Variants in KYAT3 observed in about 807,000 individuals in gnomAD.
The protein encoded by KYAT3 is kynurenine aminotransferase 3, also known as kynurenine--oxoglutarate transaminase 3.
KYAT3 carries 50 observed loss-of-function variants against 59.0 expected under a neutral mutation model. The observed-to-expected ratio is 0.85, with a 90% CI of 0.68 to 1.07. The LOEUF is 1.07. Ranked by LOEUF, KYAT3 falls within the 50% of genes least tolerant of loss-of-function variation. KYAT3 has a pLI of 0.00. For missense variants in KYAT3, 497 were observed against 533.3 expected (o/e 0.93, Z 0.67); for synonymous variants, 148 against 177.0 (o/e 0.84, Z 1.30).
rs373497698 is a variant in KYAT3 at position 88,962,114 on chromosome 1, T to C, written c.485A>G (p.Tyr162Cys). ...TCCAGCCATTCTCACCATGGGCTCA[T>C]AGCAGTCATAGAAAGGCACTATTAG... ...VILIVPFYDC[Y>C]EPMVRMAGAT... Residue 162 changes from tyrosine (Y) to cysteine (C), a missense_variant, in exon 6 of 14, where the codon TAT (tyrosine) becomes TGT (cysteine). By Grantham distance (194) the Tyr-to-Cys change is radical (BLOSUM62 -2). This residue lies in a region of KYAT3 where 469 missense variants were observed against 479.1 expected (regional missense o/e 0.98). Coordinates refer to ENST00000260508, the MANE Select transcript of KYAT3 (RefSeq NM_001008661.3). The C allele has an allele frequency of 1.2e-5, 19 of 1,613,770 alleles. No homozygotes were observed. Among genetic ancestry groups the C allele is most frequent in the East Asian group, 2.2e-5 (1 of 44,878 alleles).
In KYAT3 at chr1:88,965,367, C is replaced by G. The variant is rs547703070; in HGVS notation, c.304-389G>C. Among the ~76,000 whole-genome samples, 12 of 152,312 alleles carry G rather than the reference C, an allele frequency of 7.9e-5. 2 individuals carry two copies. Among genetic ancestry groups the G allele is most frequent in the African/African-American group, 2.9e-4 (12 of 41,562 alleles). On this transcript the variant is annotated intron_variant, in intron 4 of 13. Coordinates refer to ENST00000260508, the MANE Select transcript of KYAT3 (RefSeq NM_001008661.3). Reference sequence around the variant, plus strand: ...ACCCACTTTAACTGTATACCCACTCCTTGGCTCTTCCTGATTGCTGGAGAG... The same window carrying G: ...ACCCACTTTAACTGTATACCCACTCGTTGGCTCTTCCTGATTGCTGGAGAG...
At chr1:88,964,734 A>G in intron 5 of KYAT3, 95 bp downstream of exon 5, 3 of 980,420 alleles carry the variant, frequency 3.1e-6, no homozygotes, top group Non-Finnish European at 4.7e-6. Flanking sequence ...ATTAAAAATA[A>G]AAAGAGAAAA....
downstream of KYAT3, among the ~76,000 whole-genome samples, chr1:88,931,166 TG>T (rs1449745530): frequency 6.6e-6 from 1 of 152,192 alleles, no homozygotes; most frequent in African/African-American, 2.4e-5. Context: ...ACCCATCAGA[TG>T]GCCAAATCAT....
At position 88,968,622 on chromosome 1, in the gene KYAT3, C is replaced by T. The variant is rs773698387; in HGVS notation, c.303+48G>A. On this transcript the variant is annotated intron_variant, in intron 4 of 13. Transcript: ENST00000260508. ...ACATGCACACACACAGACACACACC[C>T]CAGTATAAAATAAAAGCTCATGGCC... The T allele has an allele frequency of 2.1e-6, 3 of 1,427,932 alleles. No homozygotes were observed. In the East Asian group the frequency reaches 7.6e-5, roughly 36 times the overall value. The allele number at this position is 1,427,932 out of a possible 1,614,324, so 88.5% of individuals were successfully genotyped here. A position where few individuals can be genotyped will look rare whatever the true frequency, so the allele number is the denominator to read the frequency against.
downstream of KYAT3, among the ~76,000 whole-genome samples, chr1:88,934,059 A>AT (rs1316990535): frequency 2.6e-5 from 4 of 152,172 alleles, no homozygotes; most frequent in East Asian, 7.7e-4. Context: ...TTTTCATTAT[A>AT]TTTTTCACAG....
chr1:88,957,887 C>T (rs1675980508), intron 8 of KYAT3, among the ~76,000 whole-genome samples: 1 of 152,122 alleles, frequency 6.6e-6, no homozygotes, highest in Non-Finnish European at 1.5e-5. Flanking sequence ...ACAGAGGTCA[C>T]CAACAAGATG....
intron 2 of KYAT3, among the ~76,000 whole-genome samples, chr1:88,972,597 A>G (rs573078881): frequency 6.6e-4 from 100 of 152,326 alleles, no homozygotes; most frequent in African/African-American, 2.3e-3. Flanking sequence ...TCTTGTTCAT[A>G]CTACATATCC....
chr1:88,943,225 A>G (rs1329258305), intron 12 of KYAT3, 125 bp downstream of exon 12: 2 of 1,022,292 alleles, frequency 2.0e-6, no homozygotes, highest in South Asian at 1.4e-5. Flanking sequence ...AATGCTTTTA[A>G]AAGCCACAAG....
At chr1:88,928,494 C>T in the KYAT3 span, among the ~76,000 whole-genome samples, 1 of 152,000 alleles carries the variant, frequency 6.6e-6, no homozygotes, top group South Asian at 2.1e-4. Context: ...GCTTCCAGTG[C>T]GGTCTACAAG....
chr1:88,957,747 A>C (rs1443371204), intron 8 of KYAT3, among the ~76,000 whole-genome samples: 1 of 152,200 alleles, frequency 6.6e-6, no homozygotes, highest in Admixed American at 6.5e-5. Flanking sequence ...GTAGATCTAA[A>C]CAATAAATTT....
chr1:88,939,436 G>A (rs75650520), intron 13 of KYAT3, among the ~76,000 whole-genome samples: 3,859 of 152,284 alleles, frequency 0.025, 68 homozygotes, highest in Middle Eastern at 0.044. Context: ...TGTAAGAAGA[G>A]TCTGGGTCCA....
chr1:88,959,923 C>T (rs2101042516), intron 8 of KYAT3, among the ~76,000 whole-genome samples: 1 of 149,976 alleles, frequency 6.7e-6, no homozygotes, highest in East Asian at 2.0e-4. Flanking sequence ...AAAAAATTAG[C>T]CGGGTATGGT....
At chr1:88,936,968 C>T (rs1039984130) in intron 13 of KYAT3, among the ~76,000 whole-genome samples, 1 of 152,200 alleles carries the variant, frequency 6.6e-6, no homozygotes, top group African/African-American at 2.4e-5. Flanking sequence ...CAGGACACTG[C>T]AGCCAGAGTG....
At chr1:88,989,325 C>T (rs1677647626) in intron 1 of KYAT3, among the ~76,000 whole-genome samples, 1 of 152,038 alleles carries the variant, frequency 6.6e-6, no homozygotes, top group African/African-American at 2.4e-5. Context: ...TATAAGAAAC[C>T]TATTAATGTG....
chr1:88,970,524 A>G (rs887946064), intron 2 of KYAT3, among the ~76,000 whole-genome samples: 1 of 152,218 alleles, frequency 6.6e-6, no homozygotes, highest in African/African-American at 2.4e-5. Context: ...ATAATTTTAT[A>G]CTGTGTTTTA....
intron 11 of KYAT3, among the ~76,000 whole-genome samples, chr1:88,946,409 C>T (rs1360483140): frequency 6.6e-6 from 1 of 152,046 alleles, no homozygotes; most frequent in Admixed American, 6.5e-5. Flanking sequence ...GCAATCCTCC[C>T]GCCTTGGCCT....
intron 2 of KYAT3, among the ~76,000 whole-genome samples, chr1:88,985,256 C>T (rs1677384459): frequency 6.6e-6 from 1 of 152,106 alleles, no homozygotes; most frequent in Non-Finnish European, 1.5e-5. Flanking sequence ...TTGTCCTCAC[C>T]CATATCAATA....
At chr1:88,990,950 A>G (rs1341424479) in intron 1 of KYAT3, among the ~76,000 whole-genome samples, 1 of 152,220 alleles carries the variant, frequency 6.6e-6, no homozygotes, top group Non-Finnish European at 1.5e-5. Context: ...ATTCTAAACA[A>G]TATTTTCATT....
In KYAT3 at chr1:88,961,202, C is replaced by T. The variant is rs1438076872; in HGVS notation, c.752G>A (p.Trp251Ter). Residue 251 changes from tryptophan (W) to a stop codon, truncating the protein, a stop_gained, in exon 8 of 14, where the codon TGG (tryptophan) becomes TAG (stop). Transcript: ENST00000260508. LOFTEE classifies it high-confidence loss of function. The stretch of plus-strand genomic sequence containing the variant: ...GTGCTTATTTCCAGAATATACAAGC[C>T]ATTCATAAACCTCATCGCTGATGCA... ...TLCISDEVYE[W>*]LVYSGNKHLK... is the part of the protein sequence containing the mutation. The T allele has an allele frequency of 6.2e-7, 1 of 1,613,476 alleles. No homozygotes were observed. Among genetic ancestry groups the T allele is most frequent in the Non-Finnish European group, 8.5e-7 (1 of 1,179,808 alleles).
Sources: gnomAD v4.1 joint callset for allele counts (sites outside exome capture counted in the v4.1 genomes callset) on GRCh38, gnomAD v4.1.1 for gene constraint, gnomAD v4.1.1 regional missense constraint, MANE v1.5 for transcripts, NCBI Gene and HGNC (gene_info 2026-07-23, HGNC 2026-07-21) for gene names.